The following THADA variants were observed in gnomAD, a reference collection of about 807,000 sequenced individuals.
THADA encodes tRNA (32-2'-O)-methyltransferase regulator THADA.
THADA carries 213 observed loss-of-function variants against 219.8 expected under a neutral mutation model. The ratio of observed to expected loss-of-function variants is 0.97; its 90% CI spans 0.87 to 1.09. THADA has a LOEUF of 1.09. Among genes scored for constraint, THADA ranks in the 50% least tolerant of loss-of-function variants. The probability of loss-of-function intolerance (pLI) is 0.00; values close to 1 mark genes in which losing one functional copy is unlikely to be tolerated. For synonymous variants in THADA, 1,018 were observed against 828.9 expected, an observed-to-expected ratio of 1.23 and a Z score of -3.92; for missense variants, 2,956 against 2,311.3, an observed-to-expected ratio of 1.28 and a Z score of -5.72.
intron 30 of THADA, among the ~76,000 whole-genome samples, chr2:43,332,396 T>C (rs1482645466): frequency 6.6e-6 from 1 of 152,252 alleles, no homozygotes; most frequent in Admixed American, 6.5e-5. Flanking sequence ...AATTCTAGCA[T>C]TGACACAATC....
At chr2:43,412,633 T>G (rs1021874665) in intron 28 of THADA, among the ~76,000 whole-genome samples, 4 of 152,192 alleles carry the variant, frequency 2.6e-5, no homozygotes, top group Non-Finnish European at 5.9e-5. Flanking sequence ...ATTATTCAAA[T>G]GGTTCTTCTG....
At chr2:43,320,124 G>C (rs1486709327) in intron 31 of THADA, among the ~76,000 whole-genome samples, 1 of 152,156 alleles carries the variant, frequency 6.6e-6, no homozygotes, top group Non-Finnish European at 1.5e-5. Flanking sequence ...TGAACTCACA[G>C]CTATTCAAAA....
chr2:43,548,986 G>C (rs1317929619), intron 20 of THADA, among the ~76,000 whole-genome samples: 4 of 152,172 alleles, frequency 2.6e-5, no homozygotes, highest in Non-Finnish European at 5.9e-5. Context: ...CTGTAGACTG[G>C]AGCTGTTCCT....
chr2:43,512,790 C>A (rs1690664207), intron 22 of THADA, among the ~76,000 whole-genome samples: 1 of 152,240 alleles, frequency 6.6e-6, no homozygotes. Flanking sequence ...GCGTGAGCCA[C>A]CGCACCCGGC....
At chr2:43,523,681 T>C (rs1479198898) in intron 22 of THADA, among the ~76,000 whole-genome samples, 5 of 152,234 alleles carry the variant, frequency 3.3e-5, no homozygotes, top group Non-Finnish European at 7.3e-5. Context: ...GAGTCAGTAC[T>C]AGTATTTAAT....
chr2:43,315,362 T>A (rs1396180045), intron 31 of THADA, among the ~76,000 whole-genome samples: 1 of 152,200 alleles, frequency 6.6e-6, no homozygotes, highest in South Asian at 2.1e-4. Context: ...AGTCTGTTCC[T>A]CCATTCCCCA....
intron 26 of THADA, among the ~76,000 whole-genome samples, chr2:43,434,929 G>A (rs11891390): frequency 0.061 from 9,317 of 152,200 alleles, 645 homozygotes; most frequent in African/African-American, 0.17. Context: ...GGCTTCAGCC[G>A]TAAACATTCA....
chr2:43,539,038 T>G (rs1328368480), intron 21 of THADA, among the ~76,000 whole-genome samples: 1 of 152,250 alleles, frequency 6.6e-6, no homozygotes, highest in African/African-American at 2.4e-5. Flanking sequence ...TATTTTAGAC[T>G]GTATGGAATG....
intron 29 of THADA, among the ~76,000 whole-genome samples, chr2:43,369,021 A>C (rs954250152): frequency 6.6e-5 from 10 of 152,198 alleles, no homozygotes; most frequent in Admixed American, 5.2e-4. Context: ...GTTTACACAT[A>C]CTGCTGACCT....
At position 43,560,369 on chromosome 2, in the gene THADA, T is replaced by G. The variant is rs540308657; in HGVS notation, c.2328A>C (p.Val776=). The stretch of plus-strand genomic sequence containing the variant: ...CATCAATATCATGACTCAGCTGATA[T>G]ACTGTATAAATTCTGCCTAAAAATA... ...FHVPEGRIYT[V]YQLSHDIDVG... is the part of the protein sequence containing the mutation. Residue 776 remains valine, a synonymous_variant, in exon 16 of 38, where the codon GTA becomes GTC. Transcript: ENST00000405975. 1.9e-6 allele frequency: 3 copies of G among 1,592,222 alleles called. No individual in the cohort carries two copies. The highest frequency in any genetic ancestry group is 2.6e-6 in the Non-Finnish European group (3 of 1,171,918).
intron 4 of THADA, among the ~76,000 whole-genome samples, chr2:43,588,193 G>T (rs1701200316): frequency 6.6e-6 from 1 of 151,694 alleles, no homozygotes; most frequent in South Asian, 2.1e-4. Flanking sequence ...CGATTCAACA[G>T]TTTGGGTAAG....
intron 22 of THADA, among the ~76,000 whole-genome samples, chr2:43,510,566 T>C (rs190774483): frequency 1.1e-3 from 167 of 151,926 alleles, no homozygotes; most frequent in African/African-American, 3.2e-3. Flanking sequence ...CCTCACACAG[T>C]TGACCAATCA....
rs1384500000 is a variant in THADA at position 43,327,217 on chromosome 2, T to C, written c.4344-6677A>G. On this transcript the variant is annotated intron_variant, in intron 30 of 37. Transcript: ENST00000405975. ...CAAACAGGTGCAGCTGGCAGGCTCA[T>C]CCCAGCCCATCTGGGGTAGTTCTCT... is the stretch of plus-strand genomic sequence containing the variant. Among the ~76,000 whole-genome samples the C allele has an allele frequency of 2.0e-5, 3 of 152,166 alleles. No homozygotes were observed. The East Asian group carries it at 5.8e-4, about 29-fold the overall frequency.
intron 26 of THADA, among the ~76,000 whole-genome samples, chr2:43,447,146 C>T (rs534210853): frequency 6.6e-6 from 1 of 152,138 alleles, no homozygotes; most frequent in African/African-American, 2.4e-5. Context: ...GAATAAGAGC[C>T]AAGCAAAGGG....
intron 36 of THADA, 195 bp from the exon 37 acceptor site, chr2:43,233,077 G>C (rs535110701): frequency 1.6e-6 from 1 of 609,938 alleles, no homozygotes; most frequent in Non-Finnish European, 2.9e-6. Context: ...GTTAGAATGA[G>C]TCATAGGCCT....
At chr2:43,322,671 A>ATACTT (rs1558578381) in intron 30 of THADA, among the ~76,000 whole-genome samples, 2 of 79,884 alleles carry the variant, frequency 2.5e-5, no homozygotes, top group African/African-American at 9.8e-5. Context: ...AGCACATTCT[A>ATACTT]TTCTTTTTTT....
intron 26 of THADA, among the ~76,000 whole-genome samples, chr2:43,468,178 A>C (rs1270320782): frequency 6.6e-6 from 1 of 152,236 alleles, no homozygotes; most frequent in Non-Finnish European, 1.5e-5. Context: ...ACGGTGACTA[A>C]ACATGAATCA....
At chr2:43,472,758 T>C (rs1685047457) in intron 26 of THADA, among the ~76,000 whole-genome samples, 1 of 152,210 alleles carries the variant, frequency 6.6e-6, no homozygotes, top group Admixed American at 6.5e-5. Flanking sequence ...GTATAACCCA[T>C]TACATAGCTA....
intron 26 of THADA, among the ~76,000 whole-genome samples, chr2:43,471,103 TCTC>T (rs1573815510): frequency 6.6e-6 from 1 of 152,154 alleles, no homozygotes; most frequent in Non-Finnish European, 1.5e-5. Context: ...GGTCCGTGGT[TCTC>T]CTAAGTAAAT....
Sources: gnomAD v4.1 joint callset for allele counts (sites outside exome capture counted in the v4.1 genomes callset) on GRCh38, gnomAD v4.1.1 for gene constraint, MANE v1.5 for transcripts, NCBI Gene and HGNC (gene_info 2026-07-23, HGNC 2026-07-21) for gene names.